Variants in PDZD2 observed in about 807,000 individuals in gnomAD.
The protein encoded by PDZD2 is PDZ domain-containing protein 2.
A neutral mutation model predicts 220.7 loss-of-function variants in PDZD2; 90 were observed. The observed-to-expected ratio is 0.41, with a 90% CI of 0.34 to 0.49. The LOEUF is 0.49. Among genes scored for constraint, PDZD2 ranks in the 20% least tolerant of loss-of-function variants. PDZD2 has a pLI of 0.28. For missense variants in PDZD2, 3,174 were observed against 3,608.5 expected, an observed-to-expected ratio of 0.88 and a Z score of 3.08; for synonymous variants, 1,375 against 1,450.5, an observed-to-expected ratio of 0.95 and a Z score of 1.18.
intron 10 of PDZD2, among the ~76,000 whole-genome samples, chr5:32,054,535 G>A (rs576898436): frequency 6.6e-6 from 1 of 151,788 alleles, no homozygotes; most frequent in Admixed American, 6.6e-5. Flanking sequence ...ATGTTGCCCA[G>A]GCTGGTCTCA....
chr5:31,701,060 C>A (rs1023033028), intron 1 of PDZD2, among the ~76,000 whole-genome samples: 1 of 152,204 alleles, frequency 6.6e-6, no homozygotes, highest in Non-Finnish European at 1.5e-5. Flanking sequence ...CACTTGCCGT[C>A]TGACACCTGA....
chr5:31,743,939 G>T (rs1750425658), intron 1 of PDZD2: 2 of 152,196 alleles, frequency 1.3e-5, no homozygotes, highest in Non-Finnish European at 2.9e-5. Context: ...CAGCTAATTG[G>T]CTCAGGCGGC....
At chr5:31,731,373 G>A (rs2150156751) in intron 1 of PDZD2, among the ~76,000 whole-genome samples, 1 of 152,186 alleles carries the variant, frequency 6.6e-6, no homozygotes, top group Non-Finnish European at 1.5e-5. Context: ...GTACAATTCA[G>A]TGGCATTTAG....
intron 7 of PDZD2, among the ~76,000 whole-genome samples, chr5:32,039,257 C>T (rs1310502074): frequency 6.6e-6 from 1 of 150,782 alleles, no homozygotes; most frequent in East Asian, 2.0e-4. Flanking sequence ...AGGCACTGCG[C>T]CCCCACTCCT....
At chr5:31,796,277 T>C (rs746232499) in intron 1 of PDZD2, among the ~76,000 whole-genome samples, 3 of 152,220 alleles carry the variant, frequency 2.0e-5, no homozygotes, top group Non-Finnish European at 2.9e-5. Flanking sequence ...TAAGGATCGA[T>C]GCTGTCTTTC....
At position 32,108,404 on chromosome 5, in the gene PDZD2, G is replaced by GATC. The variant is rs1745010341; in HGVS notation, c.*269_*270insATC. 1 of 247,770 alleles carries GATC rather than the reference G, an allele frequency of 4.0e-6. No homozygotes were observed. Among genetic ancestry groups the GATC allele is most frequent in the African/African-American group, 2.2e-5 (1 of 44,644 alleles). 15.3% of individuals were successfully genotyped at this position (247,770 alleles called of 1,614,324 possible). On this transcript the variant is annotated 3_prime_UTR_variant, in exon 25 of 25. Transcript: ENST00000438447. ...CTACCTTTATGTTATGTTTACTGAT[G>GATC]GGGATACAAGATGTGACACACCCTT... is the stretch of plus-strand genomic sequence containing the variant.
chr5:31,960,737 C>T (rs537087658), intron 2 of PDZD2, among the ~76,000 whole-genome samples: 3 of 137,744 alleles, frequency 2.2e-5, no homozygotes, highest in East Asian at 2.0e-4. Context: ...TGAAGTAACC[C>T]GTGCTTCTGT....
intron 1 of PDZD2, among the ~76,000 whole-genome samples, chr5:31,794,737 T>C (rs1480205344): frequency 6.6e-6 from 1 of 152,202 alleles, no homozygotes; most frequent in Non-Finnish European, 1.5e-5. Context: ...AAATTTTTTT[T>C]TATTTTTAAT....
chr5:32,036,184 T>G (rs2112218166), intron 6 of PDZD2, among the ~76,000 whole-genome samples: 1 of 152,296 alleles, frequency 6.6e-6, no homozygotes, highest in East Asian at 1.9e-4. Flanking sequence ...GCCAGGATGG[T>G]CTCGATCTCC....
At chr5:31,817,482 G>T (rs1755540942) in intron 2 of PDZD2, among the ~76,000 whole-genome samples, 2 of 151,442 alleles carry the variant, frequency 1.3e-5, no homozygotes, top group Admixed American at 1.3e-4. Context: ...AACAGAGCAA[G>T]ACTCCATCTC....
rs869296191 is a variant in PDZD2, at chr5:31,790,691, A to ATTTTTTTT, written c.-360-8180_-360-8173dup. ...CTTAGAATCCGCACCTATCTCTCTA[A>ATTTTTTTT]TTTTTTTTTTTTTTTTTTTTTTTTT... On this transcript the variant is annotated intron_variant, in intron 1 of 24. Coordinates refer to ENST00000438447, the MANE Select transcript of PDZD2 (RefSeq NM_178140.4). Among the ~76,000 whole-genome samples, 5 of 75,498 alleles carry ATTTTTTTT rather than the reference A, an allele frequency of 6.6e-5. 1 individual carries two copies. The highest frequency in any genetic ancestry group is 4.3e-4 in the Admixed American group (2 of 4,650). The allele number at this position is 75,498 out of a possible 152,430, so 49.5% of individuals were successfully genotyped here.
intron 1 of PDZD2, among the ~76,000 whole-genome samples, chr5:31,719,105 G>A (rs1748629558): frequency 1.3e-5 from 2 of 152,132 alleles, no homozygotes. Context: ...TTTGTGGCAG[G>A]GGTCACAATT....
intron 1 of PDZD2, chr5:31,657,240 G>C (rs941779617): frequency 2.0e-5 from 3 of 152,276 alleles, no homozygotes; most frequent in Non-Finnish European, 4.4e-5. Context: ...GTGTTTGGAT[G>C]GTCCTGTGCA....
intron 1 of PDZD2, among the ~76,000 whole-genome samples, chr5:31,663,051 C>G (rs1745843853): frequency 6.6e-6 from 1 of 152,244 alleles, no homozygotes; most frequent in Non-Finnish European, 1.5e-5. Context: ...AAACAATCAT[C>G]CCTTTCCTGC....
Position 32,057,902 on chromosome 5 carries a change from T to G in PDZD2, c.1999T>G (p.Leu667Val). The change falls in exon 12 of 25, where the codon TTA becomes GTA. Residue 667 changes from leucine (L) to valine (V), a missense_variant. Physicochemically the swap from Leu to Val is conservative, Grantham distance 32. Around this residue, in one of 4 missense-constraint regions of PDZD2, gnomAD observed 1,861 missense variants for 2,001.0 expected, o/e 0.93. Transcript: ENST00000438447. ...FKQIRSGLFV[L>V]TVRTKLVSPS... ...GCAAATCCGGAGTGGATTATTTGTT[T>G]TAACGGTACGCACAAAGTTGGTGAG... is the stretch of plus-strand genomic sequence containing the variant. The G allele has an allele frequency of 6.2e-7, 1 of 1,613,748 alleles. No homozygotes were observed. Among genetic ancestry groups the G allele is most frequent in the Non-Finnish European group, 8.5e-7 (1 of 1,179,700 alleles).
intron 1 of PDZD2, among the ~76,000 whole-genome samples, chr5:31,703,585 G>T (rs1468747966): frequency 6.6e-6 from 1 of 152,096 alleles, no homozygotes; most frequent in African/African-American, 2.4e-5. Context: ...GCACATGCAT[G>T]CCGATGTAAT....
chr5:31,855,095 C>A (rs1758323871), intron 2 of PDZD2: 1 of 985,302 alleles, frequency 1.0e-6, no homozygotes. Flanking sequence ...GATTACCCGG[C>A]GCCCAGCTGC....
At chr5:31,761,388 GC>G (rs2150187368) in intron 1 of PDZD2, among the ~76,000 whole-genome samples, 1 of 151,364 alleles carries the variant, frequency 6.6e-6, no homozygotes, top group East Asian at 2.0e-4. Context: ...ATGTTCCAAA[GC>G]AAAGACATAG....
Position 32,108,816 on chromosome 5 carries a change from T to G in PDZD2, c.*681T>G, listed in dbSNP as rs1464953093. 1 of 152,688 alleles carries G rather than the reference T, an allele frequency of 6.5e-6. No homozygotes were observed. The highest frequency in any genetic ancestry group is 1.5e-5 in the Non-Finnish European group (1 of 68,050). 9.5% of individuals were successfully genotyped at this position (152,688 alleles called of 1,614,324 possible). A position where few individuals can be genotyped will look rare whatever the true frequency, so the allele number is the denominator to read the frequency against. On this transcript the variant is annotated 3_prime_UTR_variant, in exon 25 of 25. Transcript: ENST00000438447. ...AAAGTTCAACTCAATAGGTTATTGA[T>G]CACCATGAAGTATTGATCATTTTCT... is the stretch of plus-strand genomic sequence containing the variant.
Sources: gnomAD v4.1 joint callset for allele counts (sites outside exome capture counted in the v4.1 genomes callset) on GRCh38, gnomAD v4.1.1 for gene constraint, gnomAD v4.1.1 regional missense constraint, MANE v1.5 for transcripts, NCBI Gene and HGNC (gene_info 2026-07-23, HGNC 2026-07-21) for gene names.